ADAMTSL1: variants seen among roughly 807,000 people sequenced by gnomAD.
The protein encoded by ADAMTSL1 is ADAMTS like 1, also known as ADAMTS-like protein 1.
Under a neutral mutation model 201.8 loss-of-function variants are expected in ADAMTSL1, and 126 were observed. The ratio of observed to expected loss-of-function variants is 0.62; its 90% CI spans 0.54 to 0.72. The LOEUF (loss-of-function observed/expected upper bound fraction) is 0.72, where lower values mean the gene tolerates loss of function less well. Ranked by LOEUF, ADAMTSL1 falls within the 30% of genes least tolerant of loss-of-function variation. The pLI, the probability that ADAMTSL1 is intolerant of heterozygous loss-of-function variation, is 0.00. For synonymous variants in ADAMTSL1, 1,121 were observed against 903.4 expected, an observed-to-expected ratio of 1.24 and a Z score of -4.32; for missense variants, 2,679 against 2,277.8, an observed-to-expected ratio of 1.18 and a Z score of -3.59.
At chr9:18,243,555 T>G in intron 2 of ADAMTSL1, among the ~76,000 whole-genome samples, 1 of 152,024 alleles carries the variant, frequency 6.6e-6, no homozygotes, top group Non-Finnish European at 1.5e-5. Context: ...CTGCTTGCTT[T>G]GTTTTTGCTG....
intron 2 of ADAMTSL1, among the ~76,000 whole-genome samples, chr9:18,324,718 C>T (rs921046962): frequency 2.3e-4 from 34 of 150,808 alleles, no homozygotes; most frequent in African/African-American, 8.0e-4. Context: ...GAGCTGAGAT[C>T]GCGCCATCAC....
At chr9:18,105,265 C>T (rs960377245) in intron 1 of ADAMTSL1, among the ~76,000 whole-genome samples, 31 of 152,266 alleles carry the variant, frequency 2.0e-4, no homozygotes, top group Middle Eastern at 3.4e-3. Context: ...GTTAATTATC[C>T]GTGACCTGAT....
At chr9:18,115,827 G>A (rs115155932) in intron 1 of ADAMTSL1, among the ~76,000 whole-genome samples, 2,659 of 152,172 alleles carry the variant, frequency 0.017, 81 homozygotes, top group African/African-American at 0.06. Flanking sequence ...CAGACCTAAG[G>A]GAGTCTGGCT....
chr9:18,444,218 GA>G (rs1250922782), intron 2 of ADAMTSL1, among the ~76,000 whole-genome samples: 1 of 152,088 alleles, frequency 6.6e-6, no homozygotes, highest in Non-Finnish European at 1.5e-5. Flanking sequence ...AATGAGAAAA[GA>G]AAAAATTATT....
chr9:17,967,855 G>C (rs1563924028), intron 1 of ADAMTSL1, among the ~76,000 whole-genome samples: 1 of 151,920 alleles, frequency 6.6e-6, no homozygotes, highest in African/African-American at 2.4e-5. Context: ...TTTGTCCAAG[G>C]TCTTCTTCTG....
chr9:18,704,314 G>A (rs1178661233), intron 13 of ADAMTSL1, among the ~76,000 whole-genome samples: 1 of 152,148 alleles, frequency 6.6e-6, no homozygotes, highest in Non-Finnish European at 1.5e-5. Flanking sequence ...GAAAAAGCTG[G>A]CCAGCCCTTG....
At chr9:18,199,075 C>T (rs1394357227) in intron 2 of ADAMTSL1, among the ~76,000 whole-genome samples, 1 of 135,010 alleles carries the variant, frequency 7.4e-6, no homozygotes, top group Non-Finnish European at 1.5e-5. Context: ...CACATGGACA[C>T]AGGAAGGGGA....
chr9:18,384,408 C>T (rs550774493), intron 2 of ADAMTSL1, among the ~76,000 whole-genome samples: 1 of 152,284 alleles, frequency 6.6e-6, no homozygotes, highest in East Asian at 1.9e-4. Context: ...TACAATTCAA[C>T]ATGAGATTTC....
At position 18,158,162 on chromosome 9, in the gene ADAMTSL1, C is replaced by A. The variant is rs192550557; in HGVS notation, c.88-5700C>A. 1.2e-4 allele frequency among the ~76,000 whole-genome samples: 18 copies of A among 151,958 alleles called. No homozygotes were observed. The East Asian group carries it at 3.1e-3, about 26-fold the overall frequency. On this transcript the variant is annotated intron_variant, in intron 1 of 29. Transcript: ENST00000680146. ...AGGTTTGGGTGTGTTTGAGTGCATG[C>A]AGAAAGGGGTTGTTGATACTCATGT...
At chr9:18,302,835 A>C (rs1055301200) in intron 2 of ADAMTSL1, among the ~76,000 whole-genome samples, 1 of 152,162 alleles carries the variant, frequency 6.6e-6, no homozygotes, top group African/African-American at 2.4e-5. Flanking sequence ...TTACTTTTTA[A>C]CTTTAAAATG....
chr9:18,080,094 G>C (rs534705681), intron 1 of ADAMTSL1, among the ~76,000 whole-genome samples: 3 of 152,338 alleles, frequency 2.0e-5, no homozygotes, highest in Admixed American at 6.5e-5. Flanking sequence ...AATGGAGGAA[G>C]AGGTAATGGG....
At chr9:18,011,106 A>G (rs1330169444) in intron 1 of ADAMTSL1, among the ~76,000 whole-genome samples, 1 of 152,016 alleles carries the variant, frequency 6.6e-6, no homozygotes, top group Non-Finnish European at 1.5e-5. Flanking sequence ...ACCTCAGAAA[A>G]TGACATGAAG....
chr9:18,878,777 G>A (rs1828334725), intron 23 of ADAMTSL1, among the ~76,000 whole-genome samples: 1 of 152,200 alleles, frequency 6.6e-6, no homozygotes, highest in Non-Finnish European at 1.5e-5. Context: ...CTGTACATCT[G>A]AGTGGAAGCT....
At chr9:18,569,335 T>C (rs1475642993) in intron 3 of ADAMTSL1, among the ~76,000 whole-genome samples, 1 of 152,184 alleles carries the variant, frequency 6.6e-6, no homozygotes, top group Non-Finnish European at 1.5e-5. Context: ...TCTGACACGG[T>C]TAGAATTGAG....
chr9:18,042,322 A>G (rs1468813238), intron 1 of ADAMTSL1, among the ~76,000 whole-genome samples: 1 of 152,166 alleles, frequency 6.6e-6, no homozygotes, highest in Non-Finnish European at 1.5e-5. Flanking sequence ...TGAATTTAGC[A>G]AGATCAATGA....
intron 5 of ADAMTSL1, among the ~76,000 whole-genome samples, chr9:18,632,721 T>C (rs941642883): frequency 1.3e-5 from 2 of 152,322 alleles, no homozygotes; most frequent in Middle Eastern, 3.4e-3. Context: ...GATCGTTTAA[T>C]GTCTGGCCAG....
chr9:18,486,709 A>C (rs1460030731), intron 1 of ADAMTSL1, among the ~76,000 whole-genome samples: 2 of 152,322 alleles, frequency 1.3e-5, no homozygotes, highest in East Asian at 1.9e-4. Context: ...TTGTCTCAAA[A>C]AAAAGCGGAG....
chr9:18,395,540 C>T (rs1254975080), intron 2 of ADAMTSL1, among the ~76,000 whole-genome samples: 1 of 152,068 alleles, frequency 6.6e-6, no homozygotes, highest in Non-Finnish European at 1.5e-5. Context: ...GGAAACAGAC[C>T]CATTTTCTGA....
At chr9:18,692,943 G>A (rs1160825725) in intron 13 of ADAMTSL1, among the ~76,000 whole-genome samples, 2 of 152,116 alleles carry the variant, frequency 1.3e-5, no homozygotes, top group Non-Finnish European at 2.9e-5. Context: ...AAAGAAAGAT[G>A]GTCTGAAACA....
Sources: gnomAD v4.1 joint callset for allele counts (sites outside exome capture counted in the v4.1 genomes callset) on GRCh38, gnomAD v4.1.1 for gene constraint, MANE v1.5 for transcripts, NCBI Gene and HGNC (gene_info 2026-07-23, HGNC 2026-07-21) for gene names.